Variants in NRG1 observed in about 807,000 individuals in gnomAD.
NRG1 encodes pro-neuregulin-1, membrane-bound isoform.
In NRG1, 18 loss-of-function variants were observed where a neutral mutation model predicts 63.8. That is an observed-to-expected ratio of 0.28 (90% confidence interval 0.19 to 0.42). The LOEUF is 0.42. NRG1 is among the 10% of genes least tolerant of loss of function. NRG1 has a pLI of 1.00. For missense variants in NRG1, 762 were observed against 814.7 expected (o/e 0.94, Z 0.79); for synonymous variants, 302 against 301.3 (o/e 1.00, Z -0.02).
chr8:32,012,011 A>G (rs1456698257), intron 1 of NRG1, among the ~76,000 whole-genome samples: 1 of 152,062 alleles, frequency 6.6e-6, no homozygotes, highest in Non-Finnish European at 1.5e-5. Flanking sequence ...TAATGGGCAA[A>G]CAGAAATTCA....
chr8:32,308,420 G>C (rs1389814967), intron 1 of NRG1, among the ~76,000 whole-genome samples: 4 of 152,170 alleles, frequency 2.6e-5, no homozygotes, highest in Non-Finnish European at 5.9e-5. Flanking sequence ...TTCTCTGCCA[G>C]ATATTGATTA....
chr8:32,054,863 C>CTTTTTTTT lies in NRG1; in HGVS notation c.37+415468_37+415475dup, dbSNP rs543522972. ...CCTTGAAAAGCAGATTTCTTTCTTT[C>CTTTTTTTT]TTTTTTTTTTTTTTTTTTTTTTTTT... On this transcript the variant is annotated intron_variant, in intron 1 of 10. Transcript: ENST00000519301. Among the ~76,000 whole-genome samples, 24 of 64,014 alleles carry CTTTTTTTT rather than the reference C, an allele frequency of 3.7e-4. 2 individuals carry two copies. Among genetic ancestry groups the CTTTTTTTT allele is most frequent in the African/African-American group, 1.3e-3 (22 of 16,414 alleles). 42.0% of individuals were successfully genotyped at this position (64,014 alleles called of 152,430 possible).
At chr8:31,703,435 T>C (rs536638446) in intron 1 of NRG1, among the ~76,000 whole-genome samples, 1 of 152,270 alleles carries the variant, frequency 6.6e-6, no homozygotes, top group African/African-American at 2.4e-5. Flanking sequence ...CACTTAAAAC[T>C]AAATTTATCA....
At chr8:32,622,435 C>G (rs550959532) in intron 5 of NRG1, among the ~76,000 whole-genome samples, 2 of 152,032 alleles carry the variant, frequency 1.3e-5, no homozygotes, top group African/African-American at 4.8e-5. Flanking sequence ...CAGGGTTTCT[C>G]TCTGTCACCC....
intron 1 of NRG1, among the ~76,000 whole-genome samples, chr8:31,755,091 C>G (rs1316350100): frequency 1.3e-5 from 2 of 152,086 alleles, no homozygotes; most frequent in South Asian, 2.1e-4. Flanking sequence ...AACTACTTCT[C>G]CAGCTCCTGC....
chr8:32,064,568 A>G (rs1365429939), intron 1 of NRG1, among the ~76,000 whole-genome samples: 1 of 152,166 alleles, frequency 6.6e-6, no homozygotes, highest in East Asian at 1.9e-4. Flanking sequence ...TCAAAAACTT[A>G]TCGCTAAAGT....
At chr8:32,199,130 A>G (rs1303688718) in intron 1 of NRG1, among the ~76,000 whole-genome samples, 2 of 151,966 alleles carry the variant, frequency 1.3e-5, no homozygotes, top group African/African-American at 4.8e-5. Context: ...GCCTGTTGAT[A>G]ATTTCCTGTT....
At chr8:32,444,496 G>C (rs1819989958) in intron 1 of NRG1, among the ~76,000 whole-genome samples, 1 of 152,114 alleles carries the variant, frequency 6.6e-6, no homozygotes, top group South Asian at 2.1e-4. Context: ...ATGCAATTCT[G>C]AATGGATGAA....
intron 1 of NRG1, among the ~76,000 whole-genome samples, chr8:31,899,966 T>C (rs1831937777): frequency 6.6e-6 from 1 of 152,218 alleles, no homozygotes; most frequent in Non-Finnish European, 1.5e-5. Context: ...GACAAGCACA[T>C]CTTATGTACT....
At chr8:32,333,792 T>C (rs77090405) in intron 1 of NRG1, among the ~76,000 whole-genome samples, 10,756 of 152,280 alleles carry the variant, frequency 0.071, 481 homozygotes, top group Middle Eastern at 0.14. Flanking sequence ...ATTTTTCCTG[T>C]TCCTTTCCTG....
intron 7 of NRG1, among the ~76,000 whole-genome samples, chr8:32,746,587 G>A (rs1022668674): frequency 2.0e-5 from 3 of 152,024 alleles, no homozygotes; most frequent in Non-Finnish European, 2.9e-5. Flanking sequence ...CAAAGGATTC[G>A]TGAGTCAATA....
chr8:32,472,312 G>GA (rs1263232761), intron 1 of NRG1, among the ~76,000 whole-genome samples: 6 of 152,116 alleles, frequency 3.9e-5, no homozygotes, highest in Non-Finnish European at 7.4e-5. Flanking sequence ...TGGGATTACA[G>GA]ACACCCGCCA....
chr8:31,642,466 G>A (rs986302168), intron 1 of NRG1, among the ~76,000 whole-genome samples: 8 of 152,166 alleles, frequency 5.3e-5, no homozygotes, highest in Non-Finnish European at 1.5e-5. Context: ...AGAAATAAAT[G>A]TAAGACTTGA....
In NRG1 at chr8:32,463,188, C is replaced by T. The variant is rs185778852; in HGVS notation, c.38-132640C>T. Reference sequence around the variant, plus strand: ...TGTATCTATACCACAATTTATTTACCGCTTCATCTGTTAATGGATTCTTAG... The same window carrying T: ...TGTATCTATACCACAATTTATTTACTGCTTCATCTGTTAATGGATTCTTAG... On this transcript the variant is annotated intron_variant, in intron 1 of 10. Coordinates refer to the NRG1 transcript ENST00000519301. Among the ~76,000 whole-genome samples the T allele has an allele frequency of 5.9e-5, 9 of 152,084 alleles. No individual in the cohort carries two copies. In the South Asian group the frequency reaches 6.2e-4, roughly 11 times the overall value.
intron 6 of NRG1, among the ~76,000 whole-genome samples, chr8:32,733,237 A>T (rs1824186835): frequency 6.6e-6 from 1 of 152,170 alleles, no homozygotes; most frequent in African/African-American, 2.4e-5. Flanking sequence ...TTTCCTTATA[A>T]TGCAAAAACA....
intron 1 of NRG1, among the ~76,000 whole-genome samples, chr8:32,340,767 C>A (rs1287659890): frequency 1.3e-5 from 2 of 152,214 alleles, no homozygotes; most frequent in African/African-American, 4.8e-5. Context: ...ACCCCTTAAG[C>A]CCGATATCCT....
intron 1 of NRG1, among the ~76,000 whole-genome samples, chr8:32,235,859 G>A (rs535236321): frequency 0.032 from 4,836 of 152,260 alleles, 109 homozygotes; most frequent in Non-Finnish European, 0.046. Flanking sequence ...GGTAGTCCTT[G>A]AATCACTTAC....
chr8:32,756,299 C>T (rs1449628240), intron 8 of NRG1, 104 bp from the exon 9 acceptor site: 1 of 1,297,898 alleles, frequency 7.7e-7, no homozygotes, highest in Admixed American at 2.2e-5. Flanking sequence ...CATCACCAGT[C>T]TACTGCCTTG....
intron 1 of NRG1, among the ~76,000 whole-genome samples, chr8:31,912,478 C>T (rs1833027026): frequency 6.6e-6 from 1 of 151,304 alleles, no homozygotes; most frequent in Admixed American, 6.6e-5. Flanking sequence ...GAGAGCATCC[C>T]CAGGCAAAGT....
Sources: gnomAD v4.1 joint callset for allele counts (sites outside exome capture counted in the v4.1 genomes callset) on GRCh38, gnomAD v4.1.1 for gene constraint, MANE v1.5 for transcripts, NCBI Gene and HGNC (gene_info 2026-07-23, HGNC 2026-07-21) for gene names.